PCDHGB4: variants seen among roughly 807,000 people sequenced by gnomAD.
PCDHGB4 encodes the protein protocadherin gamma subfamily B, 4.
Under a neutral mutation model 60.5 loss-of-function variants are expected in PCDHGB4, and 38 were observed. The observed-to-expected ratio is 0.63, with a 90% CI of 0.48 to 0.82. PCDHGB4 has a LOEUF of 0.82. PCDHGB4 is among the 40% of genes least tolerant of loss of function. PCDHGB4 has a pLI of 0.00. For missense variants in PCDHGB4, 1,109 were observed against 1,209.6 expected (o/e 0.92, Z 1.23); for synonymous variants, 456 against 509.7 (o/e 0.89, Z 1.42).
chr5:141,403,616 C>T (rs2094434764), intron 1 of PCDHGB4: 1 of 1,613,774 alleles, frequency 6.2e-7, no homozygotes, highest in South Asian at 1.1e-5. Flanking sequence ...CGAGCCGCGT[C>T]GCTCCAGCAC....
Position 141,490,637 on chromosome 5 carries a change from A to C in PCDHGB4, c.2398-4170A>C. ...CTTTACACTGCTTACATCCTAGAAA[A>C]CCGGCCTCCGGGCTCCCTTCTTTGC... is the stretch of plus-strand genomic sequence containing the variant. On this transcript the variant is annotated intron_variant, in intron 1 of 3. Coordinates refer to ENST00000519479, the MANE Select transcript of PCDHGB4 (RefSeq NM_003736.4). This position sits in a 1 kb window ranked among gnomAD's most constrained non-coding sequence, Gnocchi z 5.4. 1 of 1,614,108 alleles carries C rather than the reference A, an allele frequency of 6.2e-7. No individual in the cohort carries two copies. Among genetic ancestry groups the C allele is most frequent in the Non-Finnish European group, 8.5e-7 (1 of 1,179,992 alleles).
Position 141,490,652 on chromosome 5 carries a change from C to T in PCDHGB4, c.2398-4155C>T, listed in dbSNP as rs1277273880. The T allele has an allele frequency of 1.2e-6, 2 of 1,614,208 alleles. No individual in the cohort carries two copies. The highest frequency in any genetic ancestry group is 1.7e-6 in the Non-Finnish European group (2 of 1,180,026). On this transcript the variant is annotated intron_variant, in intron 1 of 3. Coordinates refer to ENST00000519479, the MANE Select transcript of PCDHGB4 (RefSeq NM_003736.4). The surrounding 1 kb of genome is among the most constrained non-coding windows in gnomAD (Gnocchi z 5.4). ...ATCCTAGAAAACCGGCCTCCGGGCT[C>T]CCTTCTTTGCACTGTGGCTGCCTCA...
rs542548063 is a variant in PCDHGB4, at chr5:141,412,999, C to T, written c.2397+22718C>T. On this transcript the variant is annotated intron_variant, in intron 1 of 3. Coordinates refer to ENST00000519479, the MANE Select transcript of PCDHGB4 (RefSeq NM_003736.4). Reference sequence around the variant, plus strand: ...GCAGCCAGAGCTCAATCCGGATTCTCAGGGCTTCAACTACACAAGCCCCAC... The same window carrying T: ...GCAGCCAGAGCTCAATCCGGATTCTTAGGGCTTCAACTACACAAGCCCCAC... 150 of 588,234 alleles carry T rather than the reference C, an allele frequency of 2.6e-4. 1 individual carries two copies. In the South Asian group the frequency reaches 3.6e-3, roughly 14 times the overall value. 36.4% of individuals were successfully genotyped at this position (588,234 alleles called of 1,614,324 possible). A position where few individuals can be genotyped will look rare whatever the true frequency, so the allele number is the denominator to read the frequency against.
At chr5:141,465,742 A>G (rs1425097489) in intron 1 of PCDHGB4, among the ~76,000 whole-genome samples, 1 of 151,214 alleles carries the variant, frequency 6.6e-6, no homozygotes, top group Non-Finnish European at 1.5e-5. Flanking sequence ...TGTTTTCAGG[A>G]TCAGACTGGT....
At chr5:141,475,902 C>T (rs1296545944) in intron 1 of PCDHGB4, 1 of 576,594 alleles carries the variant, frequency 1.7e-6, no homozygotes, top group Non-Finnish European at 3.0e-6. Context: ...GTGCCGCTGT[C>T]GGCCAATGAA....
chr5:141,415,533 G>A (rs749139053), intron 1 of PCDHGB4: 11 of 1,614,198 alleles, frequency 6.8e-6, no homozygotes, highest in Non-Finnish European at 6.8e-6. Flanking sequence ...TCATCAGCCA[G>A]GAGAGCTGTG....
chr5:141,419,578 G>C (rs1339676992), intron 1 of PCDHGB4: 1 of 1,611,722 alleles, frequency 6.2e-7, no homozygotes. Flanking sequence ...ACGGCTCCGC[G>C]CTCTTCGACA....
chr5:141,419,006 A>G (rs2096312225), intron 1 of PCDHGB4: 1 of 1,614,006 alleles, frequency 6.2e-7, no homozygotes. Context: ...TGGGGAAGTC[A>G]GGTGTAGCTT....
intron 1 of PCDHGB4, chr5:141,395,467 C>T (rs2093236177): frequency 1.8e-6 from 1 of 566,628 alleles, no homozygotes; most frequent in Non-Finnish European, 3.0e-6. Context: ...TTTAAGCCTT[C>T]CAGTATTTTA....
intron 1 of PCDHGB4, chr5:141,392,820 G>C (rs1474865202): frequency 1.3e-6 from 2 of 1,592,748 alleles, no homozygotes; most frequent in Admixed American, 3.6e-5. Context: ...AACAATGGCC[G>C]CTCCACAGAG....
intron 1 of PCDHGB4, chr5:141,421,420 G>A: frequency 6.2e-7 from 1 of 1,614,084 alleles, no homozygotes; most frequent in Admixed American, 1.7e-5. Context: ...GAAGCGCGGA[G>A]TCCGCATCGT....
rs3074545 is a variant in PCDHGB4, at chr5:141,482,530, C to CAAAAAAA, written c.2398-12264_2398-12258dup. On this transcript the variant is annotated intron_variant, in intron 1 of 3. Coordinates refer to ENST00000519479, the MANE Select transcript of PCDHGB4 (RefSeq NM_003736.4). ...CAGAGTACAGTATGAGACAGACATG[C>CAAAAAAA]AAAAAAAAAAAAAAAAAAAGATAAT... Among the ~76,000 whole-genome samples the CAAAAAAA allele has an allele frequency of 6.5e-4, 50 of 76,534 alleles. 2 individuals are homozygous for CAAAAAAA. The highest frequency in any genetic ancestry group is 1.7e-3 in the African/African-American group (35 of 20,860). 50.2% of individuals were successfully genotyped at this position (76,534 alleles called of 152,430 possible).
Position 141,476,292 on chromosome 5 carries a change from G to A in PCDHGB4, c.2398-18515G>A. The A allele has an allele frequency of 1.9e-6, 3 of 1,614,144 alleles. No homozygotes were observed. The highest frequency in any genetic ancestry group is 2.5e-6 in the Non-Finnish European group (3 of 1,180,016). On this transcript the variant is annotated intron_variant, in intron 1 of 3. Transcript: ENST00000519479. This position sits in a 1 kb window ranked among gnomAD's most constrained non-coding sequence, Gnocchi z 7.6. ...GTCGCGAACCTTGGTTTGGATCTCGGTAGCCTCTCAGCCCGCAGGTTCCGG... is the reference window on the plus strand; with the variant it reads ...GTCGCGAACCTTGGTTTGGATCTCGATAGCCTCTCAGCCCGCAGGTTCCGG...
At chr5:141,500,450 C>A (rs2099800340) in intron 2 of PCDHGB4, among the ~76,000 whole-genome samples, 1 of 152,072 alleles carries the variant, frequency 6.6e-6, no homozygotes, top group Non-Finnish European at 1.5e-5. Flanking sequence ...ACCTCGTGAT[C>A]CGCCCGCCTC....
In PCDHGB4 at chr5:141,487,819, C is replaced by A; in HGVS notation, c.2398-6988C>A. 2.3e-6 allele frequency: 3 copies of A among 1,285,528 alleles called. No homozygotes were observed. Among genetic ancestry groups the A allele is most frequent in the Non-Finnish European group, 3.2e-6 (3 of 932,998 alleles). 79.6% of individuals were successfully genotyped at this position (1,285,528 alleles called of 1,614,324 possible). On this transcript the variant is annotated intron_variant, in intron 1 of 3. Transcript: ENST00000519479. This position sits in a 1 kb window ranked among gnomAD's most constrained non-coding sequence, Gnocchi z 5.0. ...AGTTGTCACAGTTTAGCATTGGGGG[C>A]GGGTCATGCCTATATCTGAGTAAGA...
At position 141,445,006 on chromosome 5, in the gene PCDHGB4, G is replaced by A. The variant is rs550056654; in HGVS notation, c.2398-49801G>A. Among the ~76,000 whole-genome samples, 51 of 152,044 alleles carry A rather than the reference G, an allele frequency of 3.4e-4. 2 individuals are homozygous for A. The South Asian group carries it at 9.6e-3, about 28-fold the overall frequency. ...CATGGTATATATTTCCATTTAATTA[G>A]GTCTTTAATTTCTCTCAGCTATGTT... On this transcript the variant is annotated intron_variant, in intron 1 of 3. Transcript: ENST00000519479.
intron 2 of PCDHGB4, among the ~76,000 whole-genome samples, chr5:141,504,999 T>C (rs1278633184): frequency 6.6e-6 from 1 of 152,000 alleles, no homozygotes; most frequent in African/African-American, 2.4e-5. Context: ...CCGTCTGTAC[T>C]AAAAATACAA....
Position 141,487,631 on chromosome 5 carries a change from G to T in PCDHGB4, c.2398-7176G>T. Reference sequence around the variant, plus strand: ...TGGGCTAGAGGTGAGACCTTTGCAGGCTCAACAAATGCTTGAGGGTTATTC... The same window carrying T: ...TGGGCTAGAGGTGAGACCTTTGCAGTCTCAACAAATGCTTGAGGGTTATTC... On this transcript the variant is annotated intron_variant, in intron 1 of 3. Transcript: ENST00000519479. The surrounding 1 kb of genome is among the most constrained non-coding windows in gnomAD (Gnocchi z 5.0). The T allele has an allele frequency of 6.2e-7, 1 of 1,614,176 alleles. No individual in the cohort carries two copies. Among genetic ancestry groups the T allele is most frequent in the Non-Finnish European group, 8.5e-7 (1 of 1,180,032 alleles).
intron 1 of PCDHGB4, chr5:141,392,755 T>C: frequency 6.8e-7 from 1 of 1,460,466 alleles, no homozygotes; most frequent in South Asian, 1.5e-5. Context: ...GGCAAGAAAC[T>C]AAATAAGACC....
Sources: allele counts gnomAD v4.1 joint callset (sites outside exome capture counted in the v4.1 genomes callset), GRCh38; gene constraint gnomAD v4.1.1; non-coding constraint Gnocchi (gnomAD v3.1); transcripts MANE v1.5; gene names NCBI Gene and HGNC (gene_info 2026-07-23, HGNC 2026-07-21).